Variants in CSMD1 observed in about 807,000 individuals in gnomAD.
The protein encoded by CSMD1 is CUB and sushi domain-containing protein 1.
In CSMD1, 213 loss-of-function variants were observed where a neutral mutation model predicts 417.5. The observed-to-expected ratio is 0.51, with a 90% CI of 0.46 to 0.57. The LOEUF is 0.57. Among genes scored for constraint, CSMD1 ranks in the 20% least tolerant of loss-of-function variants. CSMD1 has a pLI of 0.00. For synonymous variants in CSMD1, 2,862 were observed against 1,736.8 expected, an observed-to-expected ratio of 1.65 and a Z score of -16.11; for missense variants, 6,923 against 4,529.7, an observed-to-expected ratio of 1.53 and a Z score of -15.17.
intron 5 of CSMD1, among the ~76,000 whole-genome samples, chr8:3,793,896 G>C (rs78994624): frequency 0.015 from 2,261 of 152,210 alleles, 47 homozygotes; most frequent in South Asian, 0.036. Context: ...AAATCGCAGA[G>C]TTCCCTTTGG....
At chr8:4,154,874 T>A (rs533192738) in intron 3 of CSMD1, among the ~76,000 whole-genome samples, 1 of 152,326 alleles carries the variant, frequency 6.6e-6, no homozygotes, top group South Asian at 2.1e-4. Flanking sequence ...GTCAGCTGCA[T>A]CACAGTCCAC....
chr8:4,482,753 A>C (rs148500738), intron 2 of CSMD1, among the ~76,000 whole-genome samples: 3 of 152,162 alleles, frequency 2.0e-5, no homozygotes, highest in African/African-American at 7.2e-5. Flanking sequence ...CCTTGCCAGC[A>C]TCTGTTATTT....
At chr8:3,678,740 T>G (rs899305185) in intron 7 of CSMD1, among the ~76,000 whole-genome samples, 3 of 152,102 alleles carry the variant, frequency 2.0e-5, no homozygotes, top group Admixed American at 6.6e-5. Flanking sequence ...AATTGTCAGA[T>G]TCACCAAAGC....
intron 1 of CSMD1, among the ~76,000 whole-genome samples, chr8:4,685,799 T>C (rs939221010): frequency 9.9e-5 from 15 of 152,184 alleles, no homozygotes; most frequent in South Asian, 4.1e-4. Context: ...GCAAAAGTAA[T>C]TGGAGTTTTT....
At chr8:4,009,073 C>T (rs1816354681) in intron 4 of CSMD1, among the ~76,000 whole-genome samples, 1 of 152,070 alleles carries the variant, frequency 6.6e-6, no homozygotes, top group East Asian at 1.9e-4. Flanking sequence ...TCATAAAATT[C>T]TGCATTTGAA....
chr8:4,177,174 C>T (rs1009139788), intron 3 of CSMD1, among the ~76,000 whole-genome samples: 7 of 152,018 alleles, frequency 4.6e-5, no homozygotes, highest in East Asian at 1.9e-4. Flanking sequence ...GACCACATAG[C>T]TGGAAGTAAA....
chr8:3,656,052 G>C (rs982671291), intron 7 of CSMD1, among the ~76,000 whole-genome samples: 4 of 152,118 alleles, frequency 2.6e-5, no homozygotes, highest in African/African-American at 9.7e-5. Context: ...AATAACATGA[G>C]ATATATTTCA....
At chr8:4,274,686 G>A (rs1796375675) in intron 3 of CSMD1, among the ~76,000 whole-genome samples, 1 of 152,032 alleles carries the variant, frequency 6.6e-6, no homozygotes, top group African/African-American at 2.4e-5. Flanking sequence ...ATGTTTCTTA[G>A]AAGTGCATCA....
At chr8:2,992,048 G>A (rs922728806) in intron 54 of CSMD1, among the ~76,000 whole-genome samples, 1 of 152,188 alleles carries the variant, frequency 6.6e-6, no homozygotes, top group Non-Finnish European at 1.5e-5. Context: ...ATTTTAGTGT[G>A]TATGTATAGC....
At chr8:3,266,166 C>A (rs1442043420) in intron 26 of CSMD1, among the ~76,000 whole-genome samples, 1 of 151,038 alleles carries the variant, frequency 6.6e-6, no homozygotes, top group East Asian at 2.0e-4. Context: ...CTCCAGGACA[C>A]CTGCCTCTCA....
chr8:3,818,073 G>A (rs1014934398), intron 5 of CSMD1, among the ~76,000 whole-genome samples: 1 of 152,096 alleles, frequency 6.6e-6, no homozygotes, highest in South Asian at 2.1e-4. Context: ...AGGCATGGAG[G>A]TCCGGGCTCA....
chr8:4,671,647 T>C (rs1269108172), intron 1 of CSMD1, among the ~76,000 whole-genome samples: 1 of 152,190 alleles, frequency 6.6e-6, no homozygotes, highest in Non-Finnish European at 1.5e-5. Context: ...CTAAAACGTT[T>C]TAAAATGGAA....
chr8:3,506,139 C>T (rs192534056), intron 10 of CSMD1, among the ~76,000 whole-genome samples: 38 of 152,222 alleles, frequency 2.5e-4, no homozygotes, highest in African/African-American at 8.9e-4. Flanking sequence ...CGGCGGCCAG[C>T]AGAGGAAGTG....
intron 27 of CSMD1, among the ~76,000 whole-genome samples, chr8:3,227,202 C>A (rs933322786): frequency 6.6e-6 from 1 of 152,026 alleles, no homozygotes; most frequent in Non-Finnish European, 1.5e-5. Context: ...AATTCGAGAC[C>A]AGCCTGGCCA....
At chr8:4,870,522 A>C (rs1563637027) in intron 1 of CSMD1, among the ~76,000 whole-genome samples, 1 of 152,094 alleles carries the variant, frequency 6.6e-6, no homozygotes, top group African/African-American at 2.4e-5. Flanking sequence ...AACTTGGCCA[A>C]GGAGTCTGCA....
At position 4,958,780 on chromosome 8, in the gene CSMD1, A is replaced by C. The variant is rs1585408795; in HGVS notation, c.85+35552T>G. On this transcript the variant is annotated intron_variant, in intron 1 of 69. Transcript: ENST00000635120. ...TCCCCCTGTTTCAAACTAGAAGTGA[A>C]AAAAGCGGGGCTTTCATGAAGAAAA... Among the ~76,000 whole-genome samples, 3 of 152,322 alleles carry C rather than the reference A, an allele frequency of 2.0e-5. No homozygotes were observed. In the South Asian group the frequency reaches 6.2e-4, roughly 32 times the overall value.
intron 33 of CSMD1, among the ~76,000 whole-genome samples, chr8:3,195,277 T>G (rs1796642605): frequency 6.6e-6 from 1 of 152,102 alleles, no homozygotes; most frequent in African/African-American, 2.4e-5. Flanking sequence ...TGGGCAGCTG[T>G]GACCACCCTG....
At chr8:3,926,452 G>A (rs1323957062) in intron 5 of CSMD1, among the ~76,000 whole-genome samples, 1 of 149,552 alleles carries the variant, frequency 6.7e-6, no homozygotes, top group African/African-American at 2.4e-5. Flanking sequence ...ATAAATATTT[G>A]TTGAATGAGT....
At chr8:3,454,812 G>A (rs1222043894) in intron 12 of CSMD1, among the ~76,000 whole-genome samples, 2 of 152,134 alleles carry the variant, frequency 1.3e-5, no homozygotes, top group East Asian at 3.9e-4. Context: ...TTCTCGAGGA[G>A]TATCTTTGTG....
Sources: allele counts gnomAD v4.1 joint callset (sites outside exome capture counted in the v4.1 genomes callset), GRCh38; gene constraint gnomAD v4.1.1; transcripts MANE v1.5; gene names NCBI Gene and HGNC (gene_info 2026-07-23, HGNC 2026-07-21).